Variants in FBXO34 observed in about 807,000 individuals in gnomAD.
FBXO34 encodes the protein F-box protein 34.
Under a neutral mutation model 24.5 loss-of-function variants are expected in FBXO34, and 12 were observed. The ratio of observed to expected loss-of-function variants is 0.49; its 90% CI spans 0.31 to 0.79. The LOEUF is 0.79. Ranked by LOEUF, FBXO34 falls within the 30% of genes least tolerant of loss-of-function variation. The pLI is 0.04. For synonymous variants in FBXO34, 320 were observed against 311.9 expected (o/e 1.03, Z -0.27); for missense variants, 823 against 857.7 (o/e 0.96, Z 0.51).
chr14:55,398,761 T>C, the FBXO34 span, among the ~76,000 whole-genome samples: 1 of 152,158 alleles, frequency 6.6e-6, no homozygotes. Context: ...TATAAATGTC[T>C]TCTAGATCTG....
At chr14:55,435,337 A>AT in the FBXO34 span, among the ~76,000 whole-genome samples, 10 of 149,568 alleles carry the variant, frequency 6.7e-5, no homozygotes, top group East Asian at 2.0e-3. Context: ...ATGTAATGGC[A>AT]TGATCTTGGC....
chr14:55,377,676 G>T, the FBXO34 span: 1 of 475,054 alleles, frequency 2.1e-6, no homozygotes, highest in Non-Finnish European at 3.7e-6. Flanking sequence ...AATTACCTTT[G>T]TTTCTTTCTG....
rs1884435472 is a variant in FBXO34, at chr14:55,352,673, T to G, written c.*147T>G. The G allele has an allele frequency of 5.7e-6, 4 of 699,212 alleles. No individual in the cohort carries two copies. Among genetic ancestry groups the G allele is most frequent in the African/African-American group, 1.8e-5 (1 of 55,574 alleles). 43.3% of individuals were successfully genotyped at this position (699,212 alleles called of 1,614,324 possible). On this transcript the variant is annotated 3_prime_UTR_variant, in exon 2 of 2. Coordinates refer to ENST00000313833, the MANE Select transcript of FBXO34 (RefSeq NM_017943.4). ...TGCATTGCTCAGGCATTTTCTAAAC[T>G]CTAAATTTACGAGCTGTACAAAAAA... is the stretch of plus-strand genomic sequence containing the variant.
At chr14:55,414,029 T>C in the FBXO34 span, 1 of 540,110 alleles carries the variant, frequency 1.9e-6, no homozygotes, top group Non-Finnish European at 3.6e-6. Flanking sequence ...ATGTATCAGG[T>C]GCCTCACCTC....
chr14:55,299,171 A>T lies in FBXO34; in HGVS notation c.-11+27634A>T, dbSNP rs1001988742. 22 of 1,044,944 alleles carry T rather than the reference A, an allele frequency of 2.1e-5. No homozygotes were observed. In the African/African-American group the frequency reaches 3.2e-4, roughly 15 times the overall value. 64.7% of individuals were successfully genotyped at this position (1,044,944 alleles called of 1,614,324 possible). On this transcript the variant is annotated intron_variant, in intron 1 of 1. Transcript: ENST00000313833. ...TGCTGGAAGTCAGTGGCCCCGAAAC[A>T]GTCCCTCTACCAAATGTTCCCTCTA...
chr14:55,385,716 T>G, the FBXO34 span: 3 of 801,542 alleles, frequency 3.7e-6, no homozygotes, highest in Admixed American at 8.5e-5. Flanking sequence ...GCGTACTGTT[T>G]GTTGAAACAG....
At chr14:55,379,283 C>G in the FBXO34 span, among the ~76,000 whole-genome samples, 42 of 152,050 alleles carry the variant, frequency 2.8e-4, no homozygotes, top group African/African-American at 1.0e-3. Context: ...TGCCTGTAAT[C>G]CCAGCACTGT....
intron 1 of FBXO34, among the ~76,000 whole-genome samples, chr14:55,317,344 G>A (rs1207904687): frequency 6.6e-6 from 1 of 152,130 alleles, no homozygotes; most frequent in African/African-American, 2.4e-5. Context: ...GCCAGGCGAG[G>A]TCGTGCATGC....
chr14:55,338,974 C>A (rs1049997582), intron 1 of FBXO34, among the ~76,000 whole-genome samples: 10 of 150,786 alleles, frequency 6.6e-5, no homozygotes, highest in Non-Finnish European at 1.3e-4. Context: ...CTCTAAGATA[C>A]AAAATCCTTG....
intron 1 of FBXO34, chr14:55,271,878 T>C (rs943590): frequency 0.5 from 75,840 of 151,964 alleles, 19,887 homozygotes; most frequent in African/African-American, 0.67. Context: ...GCGCTCCCAC[T>C]TACGGGACCC....
chr14:55,282,260 T>C (rs1012410666), intron 1 of FBXO34: 1 of 356,826 alleles, frequency 2.8e-6, no homozygotes, highest in Non-Finnish European at 5.7e-6. Context: ...CCCAAAGTGC[T>C]GGGATTACAG....
the FBXO34 span, among the ~76,000 whole-genome samples, chr14:55,375,490 ATTTTTTTTTTTTT>A: frequency 8.5e-6 from 1 of 117,798 alleles, no homozygotes; most frequent in Non-Finnish European, 1.7e-5. Context: ...GCCGGGCTAA[ATTTTTTTTTTTTT>A]TTTTTTTTTT....
intron 1 of FBXO34, among the ~76,000 whole-genome samples, chr14:55,323,536 C>A (rs756460685): frequency 3.3e-5 from 5 of 151,720 alleles, no homozygotes; most frequent in Non-Finnish European, 7.4e-5. Flanking sequence ...GCACGTGCCA[C>A]CACGTCCAGC....
At chr14:55,358,397 G>T (rs1040075715), downstream of FBXO34, among the ~76,000 whole-genome samples, 9 of 151,896 alleles carry the variant, frequency 5.9e-5, no homozygotes, top group Admixed American at 1.3e-4. Flanking sequence ...GTATTTGCAG[G>T]GCCCATGGCA....
chr14:55,298,410 G>A (rs1384770873), intron 1 of FBXO34, among the ~76,000 whole-genome samples: 1 of 152,030 alleles, frequency 6.6e-6, no homozygotes, highest in East Asian at 1.9e-4. Flanking sequence ...GATGAGTGGA[G>A]GAAGTCCTTG....
intron 1 of FBXO34, among the ~76,000 whole-genome samples, chr14:55,272,918 G>A (rs896280252): frequency 6.6e-6 from 1 of 152,164 alleles, no homozygotes; most frequent in African/African-American, 2.4e-5. Flanking sequence ...AAAATGATTT[G>A]TCTGTGAATA....
chr14:55,380,735 C>T, the FBXO34 span: 1 of 1,291,108 alleles, frequency 7.7e-7, no homozygotes, highest in Non-Finnish European at 1.1e-6. Context: ...TTAATTCCAA[C>T]AAAACTACTA....
chr14:55,370,346 A>C (rs1386694201), downstream of FBXO34, among the ~76,000 whole-genome samples: 2 of 152,240 alleles, frequency 1.3e-5, no homozygotes, highest in Non-Finnish European at 2.9e-5. Flanking sequence ...TAGTGTAATA[A>C]GTAATAAATG....
the FBXO34 span, chr14:55,386,176 C>T: frequency 5.1e-5 from 61 of 1,207,418 alleles, no homozygotes; most frequent in Non-Finnish European, 5.8e-5. Context: ...CACAAACATG[C>T]GTGTTTTCCC....
Sources: allele counts gnomAD v4.1 joint callset (sites outside exome capture counted in the v4.1 genomes callset), GRCh38; gene constraint gnomAD v4.1.1; transcripts MANE v1.5; gene names NCBI Gene and HGNC (gene_info 2026-07-23, HGNC 2026-07-21).